The following SULF1 variants were observed in gnomAD, a reference collection of about 807,000 sequenced individuals.
The protein encoded by SULF1 is extracellular sulfatase Sulf-1.
A neutral mutation model predicts 110.5 loss-of-function variants in SULF1; 46 were observed. The observed-to-expected ratio is 0.42, with a 90% CI of 0.33 to 0.53. SULF1 has a LOEUF of 0.53. SULF1 is among the 20% of genes least tolerant of loss of function. SULF1 has a pLI of 0.12. For synonymous variants in SULF1, 371 were observed against 387.1 expected (o/e 0.96, Z 0.49); for missense variants, 941 against 1,094.2 (o/e 0.86, Z 1.98).
At chr8:69,597,643 G>A (rs1042609031) in intron 8 of SULF1, 8 of 152,134 alleles carry the variant, frequency 5.3e-5, no homozygotes, top group Admixed American at 6.5e-5. Flanking sequence ...AGCACATCAA[G>A]GTAACTGGTG....
At chr8:69,497,016 G>A (rs147366862) in intron 2 of SULF1, among the ~76,000 whole-genome samples, 92 of 152,246 alleles carry the variant, frequency 6.0e-4, no homozygotes, top group African/African-American at 2.1e-3. Context: ...CACCATCCAC[G>A]ATGGCAAGAT....
At chr8:69,574,454 C>T (rs745969808) in intron 5 of SULF1, among the ~76,000 whole-genome samples, 1 of 152,186 alleles carries the variant, frequency 6.6e-6, no homozygotes, top group Admixed American at 6.5e-5. Context: ...CCTCATCTCT[C>T]ATTTCAGAAC....
intron 3 of SULF1, among the ~76,000 whole-genome samples, chr8:69,542,873 T>C (rs1308169061): frequency 1.3e-5 from 2 of 152,144 alleles, no homozygotes; most frequent in Non-Finnish European, 2.9e-5. Flanking sequence ...TATATATTAA[T>C]TTCCCATGAA....
At chr8:69,548,351 G>A (rs1213093934) in intron 3 of SULF1, among the ~76,000 whole-genome samples, 1 of 152,024 alleles carries the variant, frequency 6.6e-6, no homozygotes, top group Non-Finnish European at 1.5e-5. Flanking sequence ...AAACAATGTT[G>A]ATCTGGTGTC....
At chr8:69,589,953 G>C (rs1337179122) in intron 8 of SULF1, among the ~76,000 whole-genome samples, 1 of 152,192 alleles carries the variant, frequency 6.6e-6, no homozygotes, top group Non-Finnish European at 1.5e-5. Context: ...CCATTAGGGA[G>C]ACAGGGAACA....
chr8:69,553,496 C>T (rs1814874380), intron 3 of SULF1, among the ~76,000 whole-genome samples: 1 of 152,202 alleles, frequency 6.6e-6, no homozygotes, highest in Non-Finnish European at 1.5e-5. Context: ...GGCAGCCAGA[C>T]TTAGTAGACT....
At chr8:69,616,702 GTTTTTTTT>G (rs35961171) in intron 13 of SULF1, among the ~76,000 whole-genome samples, 3 of 104,604 alleles carry the variant, frequency 2.9e-5, no homozygotes, top group African/African-American at 1.1e-4. Context: ...GTGCCCGGCC[GTTTTTTTT>G]TTTTTTTTTT....
At chr8:69,569,052 C>A (rs1805024381) in intron 5 of SULF1, among the ~76,000 whole-genome samples, 1 of 152,106 alleles carries the variant, frequency 6.6e-6, no homozygotes, top group Non-Finnish European at 1.5e-5. Context: ...CTAAATCTTT[C>A]CCAAATGGCC....
chr8:69,578,623 G>C (rs1805809497), intron 6 of SULF1, among the ~76,000 whole-genome samples: 1 of 151,124 alleles, frequency 6.6e-6, no homozygotes, highest in Non-Finnish European at 1.5e-5. Context: ...GGATGAAACT[G>C]TGTACACACC....
intron 1 of SULF1, among the ~76,000 whole-genome samples, chr8:69,476,684 A>G (rs2150535635): frequency 6.6e-6 from 1 of 152,320 alleles, no homozygotes; most frequent in Admixed American, 6.5e-5. Context: ...CATATTCCCT[A>G]GTTCCCCTGG....
At chr8:69,501,339 T>C (rs895421268) in intron 2 of SULF1, among the ~76,000 whole-genome samples, 1 of 152,256 alleles carries the variant, frequency 6.6e-6, no homozygotes, top group Admixed American at 6.5e-5. Flanking sequence ...TTCCTCATAT[T>C]CAAAGTGTTC....
At position 69,595,181 on chromosome 8, in the gene SULF1, A is replaced by T. The variant is rs183712062; in HGVS notation, c.735-5422A>T. Among the ~76,000 whole-genome samples, 134 of 152,262 alleles carry T rather than the reference A, an allele frequency of 8.8e-4. 2 individuals are homozygous for T. The East Asian group carries it at 0.017, about 19-fold the overall frequency. ...TAAAAAACAAAGACCCAAAGTCTAT[A>T]TTTTTTAAAGGAAGGCCCAGATGGT... is the stretch of plus-strand genomic sequence containing the variant. On this transcript the variant is annotated intron_variant, in intron 8 of 22. Coordinates refer to ENST00000402687, the MANE Select transcript of SULF1 (RefSeq NM_001128205.2).
chr8:69,615,093 G>T (rs1808985196), intron 13 of SULF1, among the ~76,000 whole-genome samples: 1 of 152,228 alleles, frequency 6.6e-6, no homozygotes. Context: ...AAGGGCACTT[G>T]TTGAACAAAG....
rs562702280 is a variant in SULF1 at position 69,471,276 on chromosome 8, A to G, written c.-391+4326A>G. On this transcript the variant is annotated intron_variant, in intron 1 of 22. Coordinates refer to the SULF1 transcript ENST00000260128. ...CTTTAATGACCCACAGAAGACCCTA[A>G]TAAGTGTGCTTACTAAACTCACCAG... Among the ~76,000 whole-genome samples, 123 of 152,300 alleles carry G rather than the reference A, an allele frequency of 8.1e-4. 1 individual carries two copies. Among genetic ancestry groups the G allele is most frequent in the African/African-American group, 2.4e-3 (98 of 41,552 alleles).
At chr8:69,474,390 T>C (rs1189005173) in intron 1 of SULF1, among the ~76,000 whole-genome samples, 3 of 152,180 alleles carry the variant, frequency 2.0e-5, no homozygotes, top group African/African-American at 7.2e-5. Flanking sequence ...AATTTAAAGT[T>C]TCACCCTTAA....
chr8:69,535,976 C>T (rs1009100949), intron 3 of SULF1, among the ~76,000 whole-genome samples: 2 of 151,848 alleles, frequency 1.3e-5, no homozygotes, highest in Non-Finnish European at 2.9e-5. Flanking sequence ...CGAGATTGTA[C>T]CATTGCACTC....
intron 3 of SULF1, among the ~76,000 whole-genome samples, chr8:69,518,304 T>C (rs1026135831): frequency 6.6e-6 from 1 of 152,224 alleles, no homozygotes; most frequent in African/African-American, 2.4e-5. Context: ...TTTTCGTTAA[T>C]ATGCTCGAGC....
At chr8:69,511,741 A>T (rs1355387987) in intron 3 of SULF1, among the ~76,000 whole-genome samples, 1 of 152,224 alleles carries the variant, frequency 6.6e-6, no homozygotes, top group Non-Finnish European at 1.5e-5. Context: ...CACAATTTAC[A>T]TTAGCTTTCA....
chr8:69,629,718 G>A, intron 19 of SULF1, 39 bp downstream of exon 19: 1 of 1,526,164 alleles, frequency 6.6e-7, no homozygotes, highest in Non-Finnish European at 8.9e-7. Flanking sequence ...CTGCCGCCAT[G>A]CAGAGACAGC....
Sources: allele counts gnomAD v4.1 joint callset (sites outside exome capture counted in the v4.1 genomes callset), GRCh38; gene constraint gnomAD v4.1.1; transcripts MANE v1.5; gene names NCBI Gene and HGNC (gene_info 2026-07-23, HGNC 2026-07-21).